The following SYNE1 variants were observed in gnomAD, a reference collection of about 807,000 sequenced individuals.
SYNE1 encodes spectrin repeat containing nuclear envelope protein 1.
In SYNE1, 616 loss-of-function variants were observed where a neutral mutation model predicts 1,111.0. The observed-to-expected ratio is 0.55, with a 90% CI of 0.52 to 0.59. The LOEUF is 0.59. Among genes scored for constraint, SYNE1 ranks in the 20% least tolerant of loss-of-function variants. SYNE1 has a pLI of 0.00. For missense variants in SYNE1, 10,006 were observed against 10,417.0 expected, an observed-to-expected ratio of 0.96 and a Z score of 1.72; for synonymous variants, 3,855 against 3,825.8, an observed-to-expected ratio of 1.01 and a Z score of -0.28.
chr6:152,557,147 C>T (rs754042810), intron 3 of SYNE1, among the ~76,000 whole-genome samples: 2 of 151,822 alleles, frequency 1.3e-5, no homozygotes, highest in African/African-American at 4.8e-5. Context: ...CTGGAGCTGA[C>T]GAACACAATA....
chr6:152,186,346 C>T (rs1230150257), intron 128 of SYNE1, among the ~76,000 whole-genome samples: 5 of 151,764 alleles, frequency 3.3e-5, no homozygotes, highest in African/African-American at 4.8e-5. Flanking sequence ...CACCTGGGGT[C>T]GGGAGTTGGA....
rs1400024166 is a variant in SYNE1, at chr6:152,416,669, G to A, written c.5768C>T (p.Ala1923Val). The A allele has an allele frequency of 6.2e-7, 1 of 1,614,232 alleles. No individual in the cohort carries two copies. The highest frequency in any genetic ancestry group is 8.5e-7 in the Non-Finnish European group (1 of 1,180,046). ...GGAAAGAATGCCATCCAGACTGACG[G>A]CAGCAGATTCTAATGCTTTAGCATT... ...LQNAKALESA[A>V]VSLDGILSKA... The change falls in exon 41 of 146, where the codon GCC (alanine) becomes GTC (valine). Residue 1923 changes from alanine (A) to valine (V), a missense_variant. Physicochemically the swap from Ala to Val is moderately conservative, Grantham distance 64 (BLOSUM62 0). This residue lies in a region of SYNE1 where 4,955 missense variants were observed against 5,017.2 expected (regional missense o/e 0.99). Coordinates refer to ENST00000367255, the MANE Select transcript of SYNE1 (RefSeq NM_182961.4).
chr6:152,271,554 T>C, intron 98 of SYNE1, among the ~76,000 whole-genome samples: 1 of 152,212 alleles, frequency 6.6e-6, no homozygotes, highest in East Asian at 1.9e-4. Context: ...TTCTCAAAGA[T>C]AAGCAGTGAT....
chr6:152,560,224 G>C (rs2099390616), intron 3 of SYNE1, among the ~76,000 whole-genome samples: 1 of 152,038 alleles, frequency 6.6e-6, no homozygotes, highest in African/African-American at 2.4e-5. Context: ...AAATTAGCTG[G>C]GTGTGGTGGC....
chr6:152,377,902 A>G (rs1284130324), intron 56 of SYNE1, among the ~76,000 whole-genome samples: 1 of 151,936 alleles, frequency 6.6e-6, no homozygotes, highest in African/African-American at 2.4e-5. Flanking sequence ...CTTGTTCTTG[A>G]AGAGCTCACA....
At chr6:152,442,318 C>T (rs1349514976) in intron 30 of SYNE1, 73 bp from the exon 31 acceptor site, 21 of 1,575,782 alleles carry the variant, frequency 1.3e-5, no homozygotes, top group Non-Finnish European at 1.7e-5. Context: ...TCAACACCCA[C>T]GCTTAACAGA....
chr6:152,328,379 A>ATTTT (rs1554460764), intron 78 of SYNE1, among the ~76,000 whole-genome samples: 5,289 of 122,122 alleles, frequency 0.043, 329 homozygotes, highest in African/African-American at 0.15. Flanking sequence ...TTCTTATTTT[A>ATTTT]TTTTATTTAT....
intron 18 of SYNE1, among the ~76,000 whole-genome samples, chr6:152,464,517 G>A (rs2098752978): frequency 6.6e-6 from 1 of 152,004 alleles, no homozygotes; most frequent in Non-Finnish European, 1.5e-5. Flanking sequence ...AATATGGAAT[G>A]GTAAAACATT....
intron 105 of SYNE1, among the ~76,000 whole-genome samples, chr6:152,248,621 T>G (rs1415539366): frequency 6.6e-6 from 1 of 152,200 alleles, no homozygotes; most frequent in Non-Finnish European, 1.5e-5. Flanking sequence ...TATCTTAAAT[T>G]CAGCTAAAAT....
chr6:152,618,347 A>T (rs988419964), intron 3 of SYNE1, among the ~76,000 whole-genome samples: 2 of 152,318 alleles, frequency 1.3e-5, no homozygotes, highest in Admixed American at 6.5e-5. Flanking sequence ...TTATAACAAC[A>T]ACAACATATA....
Position 152,458,772 on chromosome 6 carries a change from A to G in SYNE1, c.2553T>C (p.Phe851=). ...TTGTTCTCACCTGATGTTTTTGTTT[A>G]AAAAGGGCACTCGATTGTGCCTCAC... ...LEREAQSSAL[F]KQKHQELLAC... Residue 851 remains phenylalanine, a synonymous_variant, in exon 22 of 146, where the codon TTT becomes TTC. Transcript: ENST00000367255. 6.2e-7 allele frequency: 1 copy of G among 1,613,992 alleles called. No individual in the cohort carries two copies. Among genetic ancestry groups the G allele is most frequent in the Non-Finnish European group, 8.5e-7 (1 of 1,179,900 alleles).
chr6:152,263,190 G>T (rs2092272915), intron 100 of SYNE1, among the ~76,000 whole-genome samples: 1 of 151,784 alleles, frequency 6.6e-6, no homozygotes, highest in Non-Finnish European at 1.5e-5. Context: ...GAATAGTACA[G>T]GGCGTGGGAA....
chr6:152,503,721 G>T (rs2099042620), intron 9 of SYNE1, among the ~76,000 whole-genome samples: 1 of 152,130 alleles, frequency 6.6e-6, no homozygotes, highest in South Asian at 2.1e-4. Flanking sequence ...TATTTAAAAG[G>T]AAGCGAAGAT....
At chr6:152,329,169 T>C (rs757774874) in intron 78 of SYNE1, among the ~76,000 whole-genome samples, 7 of 152,214 alleles carry the variant, frequency 4.6e-5, no homozygotes, top group Admixed American at 2.0e-4. Context: ...GAGGCATCAC[T>C]GTTATAAGCA....
intron 46 of SYNE1, 59 bp from the exon 47 acceptor site, chr6:152,401,400 T>G: frequency 6.5e-7 from 1 of 1,539,080 alleles, no homozygotes; most frequent in South Asian, 1.1e-5. Flanking sequence ...ACTCATTCAG[T>G]AGAAATTCTG....
At chr6:152,369,161 T>C (rs1199184493) in intron 60 of SYNE1, 34 bp from the exon 61 acceptor site, 2 of 1,609,304 alleles carry the variant, frequency 1.2e-6, no homozygotes, top group African/African-American at 2.7e-5. Flanking sequence ...ATTCAGAGGC[T>C]GGGGAAAAGC....
chr6:152,302,313 G>A (rs2095219827), intron 91 of SYNE1: 3 of 581,454 alleles, frequency 5.2e-6, no homozygotes, highest in South Asian at 3.9e-5. Flanking sequence ...GAGAAATGAG[G>A]GGATGAGGCC....
At chr6:152,473,078 T>C (rs1470770044) in intron 14 of SYNE1, among the ~76,000 whole-genome samples, 2 of 152,220 alleles carry the variant, frequency 1.3e-5, no homozygotes, top group Non-Finnish European at 2.9e-5. Flanking sequence ...GAATCTTCTT[T>C]GATTTGTTTG....
At chr6:152,231,777 C>CGTGTGT (rs1554248849) in intron 113 of SYNE1, among the ~76,000 whole-genome samples, 15 of 113,750 alleles carry the variant, frequency 1.3e-4, no homozygotes, top group African/African-American at 4.2e-4. Context: ...CACAGATATA[C>CGTGTGT]GTGTGTATGT....
Sources: gnomAD v4.1 joint callset for allele counts (sites outside exome capture counted in the v4.1 genomes callset) on GRCh38, gnomAD v4.1.1 for gene constraint, gnomAD v4.1.1 regional missense constraint, MANE v1.5 for transcripts, NCBI Gene and HGNC (gene_info 2026-07-23, HGNC 2026-07-21) for gene names.